Variants in DOCK4 observed in about 807,000 individuals in gnomAD.
The protein encoded by DOCK4 is dedicator of cytokinesis protein 4.
DOCK4 carries 97 observed loss-of-function variants against 268.1 expected under a neutral mutation model. The ratio of observed to expected loss-of-function variants is 0.36; its 90% CI spans 0.31 to 0.43. The LOEUF (loss-of-function observed/expected upper bound fraction) is 0.43, where lower values mean the gene tolerates loss of function less well. Ranked by LOEUF, DOCK4 falls within the 20% of genes least tolerant of loss-of-function variation. The probability of loss-of-function intolerance (pLI) is 1.00; values close to 1 mark genes in which losing one functional copy is unlikely to be tolerated. For missense variants in DOCK4, 2,145 were observed against 2,455.7 expected, an observed-to-expected ratio of 0.87 and a Z score of 2.67; for synonymous variants, 954 against 887.2, an observed-to-expected ratio of 1.08 and a Z score of -1.34.
chr7:112,130,534 G>A (rs1813705248), intron 1 of DOCK4, among the ~76,000 whole-genome samples: 1 of 152,042 alleles, frequency 6.6e-6, no homozygotes, highest in South Asian at 2.1e-4. Flanking sequence ...AGCAAAGCAG[G>A]GATTCTATGT....
At chr7:112,171,393 T>A (rs1337766696) in intron 1 of DOCK4, among the ~76,000 whole-genome samples, 2 of 151,278 alleles carry the variant, frequency 1.3e-5, no homozygotes, top group African/African-American at 4.8e-5. Flanking sequence ...TTAAATATAA[T>A]CCATGTAAAA....
At chr7:111,985,305 T>C (rs1798968204) in intron 6 of DOCK4, among the ~76,000 whole-genome samples, 1 of 152,038 alleles carries the variant, frequency 6.6e-6, no homozygotes, top group Admixed American at 6.6e-5. Flanking sequence ...GCCGAGATGA[T>C]ACCCTCTTCT....
intron 52 of DOCK4, among the ~76,000 whole-genome samples, chr7:111,730,096 G>A (rs1563417603): frequency 6.6e-6 from 1 of 152,130 alleles, no homozygotes; most frequent in East Asian, 1.9e-4. Context: ...GACTACACCC[G>A]GCCTCCTTCA....
chr7:112,179,528 T>G (rs1211772759), intron 1 of DOCK4, among the ~76,000 whole-genome samples: 1 of 80,190 alleles, frequency 1.2e-5, no homozygotes, highest in Non-Finnish European at 2.1e-5. Flanking sequence ...GTTTTTTTGT[T>G]TTTTTTTTTT....
intron 5 of DOCK4, among the ~76,000 whole-genome samples, chr7:111,991,832 G>T (rs1305297472): frequency 6.6e-6 from 1 of 151,830 alleles, no homozygotes; most frequent in Non-Finnish European, 1.5e-5. Context: ...CGTGATGGTG[G>T]TAGCTGTAGT....
intron 1 of DOCK4, among the ~76,000 whole-genome samples, chr7:112,166,699 A>C (rs1817642427): frequency 6.6e-6 from 1 of 152,260 alleles, no homozygotes; most frequent in Non-Finnish European, 1.5e-5. Context: ...GTTGGGCTGT[A>C]AGAAATTCCT....
At chr7:111,935,726 T>A (rs1048484093) in intron 11 of DOCK4, 98 bp from the exon 12 acceptor site, 24 of 1,025,684 alleles carry the variant, frequency 2.3e-5, no homozygotes, top group African/African-American at 6.4e-5. Flanking sequence ...ACCACTATAA[T>A]GTACCTCCTT....
rs114908081 is a variant in DOCK4, at chr7:112,161,995, T to C, written c.37+44107A>G. ...GATAGAAATGGGGGTGTACTGTTAC[T>C]AATGTGTTTGTATAAAAGCTTGTGA... is the stretch of plus-strand genomic sequence containing the variant. On this transcript the variant is annotated intron_variant, in intron 1 of 52. Coordinates refer to ENST00000428084, the MANE Select transcript of DOCK4 (RefSeq NM_001363540.2). 4.3e-3 allele frequency among the ~76,000 whole-genome samples: 660 copies of C among 152,330 alleles called. 9 individuals carry two copies. Among genetic ancestry groups the C allele is most frequent in the African/African-American group, 0.014 (597 of 41,586 alleles).
intron 1 of DOCK4, among the ~76,000 whole-genome samples, chr7:112,016,564 A>G (rs1586648484): frequency 1.3e-5 from 2 of 152,330 alleles, no homozygotes; most frequent in Admixed American, 1.3e-4. Context: ...ACATCCATTG[A>G]TAATTTTTGC....
chr7:112,093,396 A>T (rs1809815996), intron 1 of DOCK4, among the ~76,000 whole-genome samples: 1 of 152,142 alleles, frequency 6.6e-6, no homozygotes, highest in African/African-American at 2.4e-5. Context: ...CTTCACGAAA[A>T]TAATCCACTA....
chr7:111,785,984 C>T (rs867276583), intron 32 of DOCK4, among the ~76,000 whole-genome samples: 23 of 152,074 alleles, frequency 1.5e-4, no homozygotes, highest in African/African-American at 5.1e-4. Flanking sequence ...CTCCCTCTCT[C>T]GGTATCATAA....
chr7:111,887,653 A>G (rs1807956198), intron 16 of DOCK4, among the ~76,000 whole-genome samples: 1 of 152,034 alleles, frequency 6.6e-6, no homozygotes, highest in South Asian at 2.1e-4. Context: ...ACTTCAGTTG[A>G]GCAATGAGGA....
intron 1 of DOCK4, among the ~76,000 whole-genome samples, chr7:112,106,204 C>G (rs536534965): frequency 6.6e-6 from 1 of 152,308 alleles, no homozygotes; most frequent in South Asian, 2.1e-4. Context: ...ACACTAAATT[C>G]TTTCTCTTAG....
intron 8 of DOCK4, among the ~76,000 whole-genome samples, chr7:111,975,774 T>C (rs1401695693): frequency 1.3e-5 from 2 of 152,156 alleles, no homozygotes; most frequent in South Asian, 4.1e-4. Context: ...AAAGATTTTA[T>C]GCCTGTAACT....
At chr7:112,200,734 AAAAAC>A (rs1423130407) in intron 1 of DOCK4, among the ~76,000 whole-genome samples, 3 of 117,764 alleles carry the variant, frequency 2.5e-5, no homozygotes, top group South Asian at 3.0e-4. Context: ...ATAAAAAAAA[AAAAAC>A]AAAAAAAAAC....
chr7:111,885,402 G>A, intron 16 of DOCK4, among the ~76,000 whole-genome samples: 1 of 152,190 alleles, frequency 6.6e-6, no homozygotes, highest in African/African-American at 2.4e-5. Context: ...ACCAAACCCA[G>A]TGAAGGCATG....
chr7:111,766,991 G>T, intron 38 of DOCK4, 41 bp downstream of exon 38: 2 of 1,482,704 alleles, frequency 1.3e-6, no homozygotes, highest in Non-Finnish European at 9.4e-7. Flanking sequence ...TAATCACAAA[G>T]GGAGGCTATG....
At chr7:111,801,790 C>A (rs1452049181) in intron 30 of DOCK4, 19 of 149,774 alleles carry the variant, frequency 1.3e-4, no homozygotes, top group African/African-American at 4.2e-4. Context: ...CCTGGGTTCA[C>A]GCCATTCTCC....
intron 1 of DOCK4, among the ~76,000 whole-genome samples, chr7:112,165,909 C>T (rs1817574495): frequency 6.6e-6 from 1 of 152,080 alleles, no homozygotes; most frequent in South Asian, 2.1e-4. Context: ...CTTTGACATC[C>T]CTCGCCCCCT....
Sources: gnomAD v4.1 joint callset for allele counts (sites outside exome capture counted in the v4.1 genomes callset) on GRCh38, gnomAD v4.1.1 for gene constraint, MANE v1.5 for transcripts, NCBI Gene and HGNC (gene_info 2026-07-23, HGNC 2026-07-21) for gene names.